DLGAP2: variants seen among roughly 807,000 people sequenced by gnomAD.
The protein encoded by DLGAP2 is DLG associated protein 2, also known as disks large-associated protein 2.
In DLGAP2, 26 loss-of-function variants were observed where a neutral mutation model predicts 100.3. That is an observed-to-expected ratio of 0.26 (90% CI 0.19 to 0.36). The LOEUF (loss-of-function observed/expected upper bound fraction) is 0.36. DLGAP2 is among the 10% of genes least tolerant of loss of function. The probability of loss-of-function intolerance (pLI) is 1.00; values close to 1 mark genes in which losing one functional copy is unlikely to be tolerated. For synonymous variants in DLGAP2, 886 were observed against 630.1 expected, an observed-to-expected ratio of 1.41 and a Z score of -6.08; for missense variants, 1,858 against 1,453.2, an observed-to-expected ratio of 1.28 and a Z score of -4.53.
chr8:959,743 G>C (rs1029134125), intron 2 of DLGAP2, among the ~76,000 whole-genome samples: 2 of 152,178 alleles, frequency 1.3e-5, no homozygotes, highest in African/African-American at 2.4e-5. Flanking sequence ...AGGGCAAATA[G>C]CTTGTCCATC....
At chr8:1,190,746 C>A (rs1797615810) in intron 2 of DLGAP2, among the ~76,000 whole-genome samples, 1 of 152,162 alleles carries the variant, frequency 6.6e-6, no homozygotes. Flanking sequence ...AAGGTCCTTA[C>A]ACCAGGGGCA....
chr8:863,477 C>T (rs763448294), intron 1 of DLGAP2, among the ~76,000 whole-genome samples: 1 of 152,160 alleles, frequency 6.6e-6, no homozygotes, highest in South Asian at 2.1e-4. Flanking sequence ...TCCACTGGTG[C>T]GCACACCACT....
At chr8:947,466 C>T (rs11780120) in intron 2 of DLGAP2, among the ~76,000 whole-genome samples, 2 of 152,232 alleles carry the variant, frequency 1.3e-5, no homozygotes, top group Non-Finnish European at 2.9e-5. Flanking sequence ...TGCCCTTACA[C>T]GAAGCGTAGA....
At chr8:946,464 C>A (rs528923420) in intron 2 of DLGAP2, among the ~76,000 whole-genome samples, 9 of 152,036 alleles carry the variant, frequency 5.9e-5, no homozygotes, top group Admixed American at 3.3e-4. Context: ...GGGGTTTCAC[C>A]ATATTAGCCA....
intron 14 of DLGAP2, among the ~76,000 whole-genome samples, chr8:1,698,931 G>A (rs1466590603): frequency 6.6e-6 from 1 of 151,456 alleles, no homozygotes; most frequent in East Asian, 2.0e-4. Context: ...GGACTAGGCA[G>A]GTCTGCATAA....
intron 8 of DLGAP2, among the ~76,000 whole-genome samples, chr8:1,655,464 G>C (rs1798262189): frequency 6.6e-6 from 1 of 152,146 alleles, no homozygotes; most frequent in African/African-American, 2.4e-5. Context: ...CCATTCAAGG[G>C]ATATTTTATC....
intron 4 of DLGAP2, among the ~76,000 whole-genome samples, chr8:1,516,307 ATGAG>A (rs1286003683): frequency 4.0e-5 from 6 of 151,240 alleles, no homozygotes; most frequent in East Asian, 2.0e-4. Context: ...GAGTGAGTGA[ATGAG>A]GGAGGGAGGG....
chr8:1,172,974 C>T (rs1585121067), intron 2 of DLGAP2, among the ~76,000 whole-genome samples: 1 of 152,108 alleles, frequency 6.6e-6, no homozygotes. Context: ...TTAGAGTTTC[C>T]ATTTTTTCTG....
intron 6 of DLGAP2, among the ~76,000 whole-genome samples, chr8:1,624,936 A>G (rs1012932599): frequency 1.3e-5 from 2 of 151,794 alleles, no homozygotes; most frequent in Non-Finnish European, 2.9e-5. Flanking sequence ...AGGAGCTGCT[A>G]TATGTTATAC....
chr8:940,915 G>T (rs999497510), intron 2 of DLGAP2, among the ~76,000 whole-genome samples: 1 of 152,190 alleles, frequency 6.6e-6, no homozygotes, highest in Non-Finnish European at 1.5e-5. Flanking sequence ...CCAGCCCTGA[G>T]ATGTCCCCCA....
In DLGAP2 at chr8:788,653, A is replaced by C. The variant is rs185175226; in HGVS notation, c.18+50828A>C. On this transcript the variant is annotated intron_variant, in intron 1 of 14. Transcript: ENST00000637795. Reference sequence around the variant, plus strand: ...AAGTGAAGTTTGGTTTTGCGAGAAGAAGCCCAGAGCGGGCAGAAGTCAGTG... The same window carrying C: ...AAGTGAAGTTTGGTTTTGCGAGAAGCAGCCCAGAGCGGGCAGAAGTCAGTG... 6.6e-5 allele frequency among the ~76,000 whole-genome samples: 10 copies of C among 152,388 alleles called. No homozygotes were observed. The East Asian group carries it at 1.7e-3, about 26-fold the overall frequency.
At chr8:877,772 C>T (rs1389022147) in intron 1 of DLGAP2, among the ~76,000 whole-genome samples, 1 of 152,184 alleles carries the variant, frequency 6.6e-6, no homozygotes, top group Non-Finnish European at 1.5e-5. Flanking sequence ...TAAGCTTCTT[C>T]ATATTCTGTG....
intron 2 of DLGAP2, among the ~76,000 whole-genome samples, chr8:1,086,658 G>T (rs1386527196): frequency 6.6e-6 from 1 of 151,974 alleles, no homozygotes; most frequent in Non-Finnish European, 1.5e-5. Flanking sequence ...AAAAAGAAAT[G>T]AAGAAGGACA....
chr8:1,372,938 C>T (rs1367303679), intron 3 of DLGAP2, among the ~76,000 whole-genome samples: 2 of 152,150 alleles, frequency 1.3e-5, no homozygotes, highest in Non-Finnish European at 2.9e-5. Context: ...GTGTGTTATT[C>T]CATGTGTCAG....
chr8:1,338,610 A>G (rs980487517), intron 3 of DLGAP2, among the ~76,000 whole-genome samples: 14 of 152,370 alleles, frequency 9.2e-5, no homozygotes, highest in African/African-American at 3.4e-4. Flanking sequence ...GTAAACCTTG[A>G]AAGAGTAAAT....
At chr8:949,350 G>T (rs1584916173) in intron 2 of DLGAP2, among the ~76,000 whole-genome samples, 1 of 152,304 alleles carries the variant, frequency 6.6e-6, no homozygotes, top group African/African-American at 2.4e-5. Flanking sequence ...CAGACACCAC[G>T]CTGGATAGTC....
At chr8:1,501,252 A>C in intron 3 of DLGAP2, 114 bp from the exon 4 acceptor site, 1 of 1,099,228 alleles carries the variant, frequency 9.1e-7, no homozygotes, top group African/African-American at 1.6e-5. Context: ...AGAAATACAA[A>C]GGTGTCTGTC....
intron 2 of DLGAP2, among the ~76,000 whole-genome samples, chr8:1,188,246 C>G (rs1797556322): frequency 7.2e-6 from 1 of 137,964 alleles, no homozygotes; most frequent in Non-Finnish European, 1.5e-5. Context: ...TGACGTTTCC[C>G]TCACGGAATC....
chr8:782,193 A>G (rs77193212), intron 1 of DLGAP2, among the ~76,000 whole-genome samples: 1,552 of 152,128 alleles, frequency 0.01, 18 homozygotes, highest in Middle Eastern at 0.034. Context: ...CACATTTATT[A>G]TGTTTCAATA....
Sources: gnomAD v4.1 joint callset for allele counts (sites outside exome capture counted in the v4.1 genomes callset) on GRCh38, gnomAD v4.1.1 for gene constraint, MANE v1.5 for transcripts, NCBI Gene and HGNC (gene_info 2026-07-23, HGNC 2026-07-21) for gene names.